The following ENTREP1 variants were observed in gnomAD, a reference collection of about 807,000 sequenced individuals.
The protein encoded by ENTREP1 is Friedreich ataxia region gene X123.
chr9:69,334,917 G>A, the ENTREP1 span, among the ~76,000 whole-genome samples: 1 of 151,490 alleles, frequency 6.6e-6, no homozygotes, highest in African/African-American at 2.4e-5. Flanking sequence ...GCGTCACCAT[G>A]CCCAGCTAAT....
At chr9:69,359,868 G>A in the ENTREP1 span, among the ~76,000 whole-genome samples, 1 of 152,100 alleles carries the variant, frequency 6.6e-6, no homozygotes, top group Non-Finnish European at 1.5e-5. Context: ...TCTATTAAAA[G>A]TTTGTGAATT....
the ENTREP1 span, chr9:69,371,423 T>A: frequency 2.2e-5 from 23 of 1,045,120 alleles, no homozygotes; most frequent in Admixed American, 2.4e-4. Flanking sequence ...GGAATATGAG[T>A]TTTTAAAATC....
the ENTREP1 span, among the ~76,000 whole-genome samples, chr9:69,361,245 C>T: frequency 1.3e-5 from 2 of 152,080 alleles, no homozygotes; most frequent in Non-Finnish European, 2.9e-5. Context: ...CAGAAATTTT[C>T]CAGTGTTCTG....
chr9:69,332,644 C>CA, the ENTREP1 span, among the ~76,000 whole-genome samples: 2 of 151,964 alleles, frequency 1.3e-5, no homozygotes, highest in East Asian at 3.9e-4. Context: ...TTGTTGCTAC[C>CA]ATATGCAAAC....
the ENTREP1 span, among the ~76,000 whole-genome samples, chr9:69,389,568 C>T: frequency 2.0e-5 from 3 of 152,174 alleles, no homozygotes; most frequent in African/African-American, 4.8e-5. Context: ...GCTCCAGTTA[C>T]TAACCTATGT....
At chr9:69,377,504 C>T in the ENTREP1 span, 2 of 1,607,200 alleles carry the variant, frequency 1.2e-6, no homozygotes, top group Non-Finnish European at 1.7e-6. Context: ...GCATCATGGC[C>T]ACGTTTCCGC....
chr9:69,368,641 T>G, the ENTREP1 span, among the ~76,000 whole-genome samples: 9 of 152,228 alleles, frequency 5.9e-5, no homozygotes, highest in East Asian at 1.7e-3. Flanking sequence ...GGTGTTGGTA[T>G]TAGGATAATG....
At chr9:69,375,905 C>A in the ENTREP1 span, 2 of 1,581,216 alleles carry the variant, frequency 1.3e-6, no homozygotes, top group South Asian at 2.3e-5. Context: ...AAATACACCA[C>A]GGAGCCCCCA....
the ENTREP1 span, among the ~76,000 whole-genome samples, chr9:69,327,630 AAAAG>A: frequency 1.4e-5 from 1 of 73,034 alleles, no homozygotes; most frequent in Non-Finnish European, 3.4e-5. Flanking sequence ...AAAAGAAAAG[AAAAG>A]AAAAAAAAAG....
At chr9:69,382,901 C>T in the ENTREP1 span, 1 of 359,700 alleles carries the variant, frequency 2.8e-6, no homozygotes, top group Non-Finnish European at 3.9e-6. Context: ...TTTGATACTC[C>T]ATAGCAGAAT....
chr9:69,354,732 G>C, the ENTREP1 span, among the ~76,000 whole-genome samples: 3 of 152,168 alleles, frequency 2.0e-5, no homozygotes, highest in Admixed American at 1.3e-4. Context: ...CTTCACCAGT[G>C]GTGGTAGGTA....
the ENTREP1 span, among the ~76,000 whole-genome samples, chr9:69,374,096 A>G: frequency 3.9e-5 from 6 of 152,158 alleles, no homozygotes; most frequent in Non-Finnish European, 7.4e-5. Context: ...AACTTCATGT[A>G]GATGGAGTCA....
chr9:69,383,329 C>G, the ENTREP1 span: 4 of 1,050,370 alleles, frequency 3.8e-6, no homozygotes, highest in East Asian at 2.1e-4. Flanking sequence ...ATTCCCTTCT[C>G]CCCCATCCCC....
the ENTREP1 span, among the ~76,000 whole-genome samples, chr9:69,357,628 G>A: frequency 6.6e-6 from 1 of 152,108 alleles, no homozygotes; most frequent in Non-Finnish European, 1.5e-5. Flanking sequence ...GGTTCTGTTG[G>A]GGTCTAAGGA....
chr9:69,325,742 C>T, the ENTREP1 span: 1 of 1,225,222 alleles, frequency 8.2e-7, no homozygotes, highest in Non-Finnish European at 1.0e-6. Context: ...CGCGCGCGCG[C>T]CCCGTTCGCC....
At chr9:69,359,230 A>G in the ENTREP1 span, among the ~76,000 whole-genome samples, 1 of 152,112 alleles carries the variant, frequency 6.6e-6, no homozygotes, top group Non-Finnish European at 1.5e-5. Flanking sequence ...TTATTAGAAT[A>G]CTGCATGTGA....
At chr9:69,385,992 G>A in the ENTREP1 span, 4 of 1,527,806 alleles carry the variant, frequency 2.6e-6, no homozygotes, top group Non-Finnish European at 3.5e-6. Context: ...GTGCTTATTT[G>A]CCTAAAGGAG....
At chr9:69,349,424 C>T in the ENTREP1 span, among the ~76,000 whole-genome samples, 68 of 152,264 alleles carry the variant, frequency 4.5e-4, no homozygotes, top group African/African-American at 3.1e-4. Context: ...AGTTTCTCCA[C>T]GGTTTTGCCA....
At chr9:69,376,118 A>C in the ENTREP1 span, among the ~76,000 whole-genome samples, 1 of 152,228 alleles carries the variant, frequency 6.6e-6, no homozygotes, top group African/African-American at 2.4e-5. Context: ...GAGCCTGACT[A>C]TATATATGTA....
Sources: gnomAD v4.1 joint callset for allele counts (sites outside exome capture counted in the v4.1 genomes callset) on GRCh38, gnomAD v4.1.1 for gene constraint, MANE v1.5 for transcripts, NCBI Gene and HGNC (gene_info 2026-07-23, HGNC 2026-07-21) for gene names.